EBF2: variants seen among roughly 807,000 people sequenced by gnomAD.
EBF2 encodes EBF transcription factor 2.
EBF2 carries 21 observed loss-of-function variants against 72.8 expected under a neutral mutation model. That is an observed-to-expected ratio of 0.29 (90% confidence interval 0.20 to 0.42). The LOEUF (loss-of-function observed/expected upper bound fraction) is 0.42. EBF2 is among the 10% of genes least tolerant of loss of function. The pLI is 1.00. For synonymous variants in EBF2, 299 were observed against 274.2 expected, an observed-to-expected ratio of 1.09 and a Z score of -0.89; for missense variants, 637 against 731.2, an observed-to-expected ratio of 0.87 and a Z score of 1.49.
chr8:25,855,195 G>T lies in EBF2; in HGVS notation c.1528+3124C>A, dbSNP rs375253798. On this transcript the variant is annotated intron_variant, in intron 14 of 15. Transcript: ENST00000520164. Reference sequence around the variant, plus strand: ...CTTTTCTTTGTAGGAGGATTGATTGGCTTGCATAGTCTCAGCTGGAACTCA... The same window carrying T: ...CTTTTCTTTGTAGGAGGATTGATTGTCTTGCATAGTCTCAGCTGGAACTCA... Among the ~76,000 whole-genome samples the T allele has an allele frequency of 3.9e-5, 6 of 152,144 alleles. No individual in the cohort carries two copies. In the East Asian group the frequency reaches 9.6e-4, roughly 24 times the overall value.
Position 25,854,598 on chromosome 8 carries a change from T to C in EBF2, c.1528+3721A>G, listed in dbSNP as rs143913430. On this transcript the variant is annotated intron_variant, in intron 14 of 15. Transcript: ENST00000520164. ...CACAGAGTGTGCCATTTTTCTTTCCTCCTTTTTACCTATACGTGCTTTTCA... is the reference window on the plus strand; with the variant it reads ...CACAGAGTGTGCCATTTTTCTTTCCCCCTTTTTACCTATACGTGCTTTTCA... Among the ~76,000 whole-genome samples the C allele has an allele frequency of 6.9e-3, 1,055 of 152,278 alleles. 6 individuals carry two copies. The highest frequency in any genetic ancestry group is 0.011 in the Non-Finnish European group (774 of 68,020).
At chr8:25,982,125 T>G (rs1362511909) in intron 6 of EBF2, among the ~76,000 whole-genome samples, 1 of 152,202 alleles carries the variant, frequency 6.6e-6, no homozygotes, top group Non-Finnish European at 1.5e-5. Context: ...GGGATGGGCA[T>G]TTTTAGTTCT....
At chr8:25,898,126 GGTA>G (rs1802888627) in intron 7 of EBF2, among the ~76,000 whole-genome samples, 2 of 152,112 alleles carry the variant, frequency 1.3e-5, no homozygotes, top group African/African-American at 4.8e-5. Context: ...ATTATTGCAC[GGTA>G]ATCTGTCATT....
chr8:26,038,539 G>A (rs930634195), intron 5 of EBF2, among the ~76,000 whole-genome samples: 3 of 152,228 alleles, frequency 2.0e-5, no homozygotes, highest in Non-Finnish European at 1.5e-5. Context: ...TCCTTTTCAG[G>A]AGGTAATCTC....
At chr8:25,848,879 TAAAAA>T in intron 15 of EBF2, among the ~76,000 whole-genome samples, 2 of 152,060 alleles carry the variant, frequency 1.3e-5, no homozygotes, top group Admixed American at 1.3e-4. Flanking sequence ...CCAGAGAACT[TAAAAA>T]GAGGAAACAT....
At position 26,005,652 on chromosome 8, in the gene EBF2, A is replaced by C. The variant is rs537579186; in HGVS notation, c.551+27433T>G. ...CAAGACCAGCCTGGGCAACATAGTG[A>C]GACTCTGTCTCTACAAAAAAAATTA... On this transcript the variant is annotated intron_variant, in intron 6 of 15. Transcript: ENST00000520164. Among the ~76,000 whole-genome samples the C allele has an allele frequency of 1.5e-4, 21 of 136,564 alleles. No individual in the cohort carries two copies. In the Admixed American group the frequency reaches 1.7e-3, roughly 11 times the overall value. The allele number at this position is 136,564 out of a possible 152,430, so 89.6% of individuals were successfully genotyped here.
chr8:25,918,122 A>G (rs114767739), intron 6 of EBF2, among the ~76,000 whole-genome samples: 1,931 of 152,300 alleles, frequency 0.013, 45 homozygotes, highest in African/African-American at 0.044. Flanking sequence ...CGCATCATGC[A>G]ATGTTGGAGA....
intron 10 of EBF2, among the ~76,000 whole-genome samples, chr8:25,878,939 G>A (rs916617947): frequency 3.3e-5 from 5 of 152,080 alleles, no homozygotes; most frequent in African/African-American, 1.2e-4. Context: ...GTTTACTAAT[G>A]TGCACTGTTT....
chr8:26,037,544 G>C (rs988913309), intron 5 of EBF2, among the ~76,000 whole-genome samples: 1 of 152,156 alleles, frequency 6.6e-6, no homozygotes, highest in Non-Finnish European at 1.5e-5. Context: ...CCCACTGCCC[G>C]GCTGGCCCAT....
chr8:25,965,246 T>C (rs902069135), intron 6 of EBF2, among the ~76,000 whole-genome samples: 4 of 152,206 alleles, frequency 2.6e-5, no homozygotes, highest in Non-Finnish European at 4.4e-5. Context: ...AAGAGCAATG[T>C]TTACTTTGCT....
intron 6 of EBF2, among the ~76,000 whole-genome samples, chr8:26,002,826 A>ACAGG (rs765733160): frequency 2.0e-5 from 3 of 148,408 alleles, no homozygotes; most frequent in Non-Finnish European, 3.0e-5. Flanking sequence ...AGCCAACGGG[A>ACAGG]CAGGCAGGCA....
At chr8:25,975,990 CGA>C (rs1804262329) in intron 6 of EBF2, among the ~76,000 whole-genome samples, 2 of 152,186 alleles carry the variant, frequency 1.3e-5, no homozygotes, top group African/African-American at 4.8e-5. Flanking sequence ...TGAACTTCTT[CGA>C]TAGGATTCAA....
chr8:25,924,187 TA>T (rs1170087657), intron 6 of EBF2, among the ~76,000 whole-genome samples: 3 of 152,194 alleles, frequency 2.0e-5, no homozygotes, highest in Admixed American at 6.5e-5. Flanking sequence ...ATCTTCCCTG[TA>T]AAATTGGGTA....
chr8:26,011,940 C>A (rs1056091802), intron 6 of EBF2, among the ~76,000 whole-genome samples: 2 of 152,064 alleles, frequency 1.3e-5, no homozygotes, highest in Admixed American at 6.6e-5. Flanking sequence ...AGTGGGTTAA[C>A]CTTTTCCCAC....
In EBF2 at chr8:26,044,392, G is replaced by T. The variant is rs543303770; in HGVS notation, c.131+337C>A. On this transcript the variant is annotated intron_variant, in intron 1 of 15. Coordinates refer to ENST00000520164, the MANE Select transcript of EBF2 (RefSeq NM_022659.4). The surrounding 1 kb of genome is among the most constrained non-coding windows in gnomAD (Gnocchi z 4.1). ...CAGCGCCGGTGTTCACGCTCCGTTCGGGGCCAGGCCGGCTCGGCTTGCAGG... is the reference window on the plus strand; with the variant it reads ...CAGCGCCGGTGTTCACGCTCCGTTCTGGGCCAGGCCGGCTCGGCTTGCAGG... Among the ~76,000 whole-genome samples, 4 of 152,268 alleles carry T rather than the reference G, an allele frequency of 2.6e-5. No homozygotes were observed. The highest frequency in any genetic ancestry group is 9.6e-5 in the African/African-American group (4 of 41,476).
At chr8:25,950,249 G>A (rs1168516552) in intron 6 of EBF2, among the ~76,000 whole-genome samples, 1 of 152,158 alleles carries the variant, frequency 6.6e-6, no homozygotes, top group East Asian at 1.9e-4. Flanking sequence ...TCTTTCAGCA[G>A]GCTCTCAAAT....
At position 25,858,375 on chromosome 8, in the gene EBF2, C is replaced by T. The variant is rs1293154516; in HGVS notation, c.1472G>A (p.Gly491Asp). The T allele has an allele frequency of 6.2e-7, 1 of 1,614,064 alleles. No homozygotes were observed. The highest frequency in any genetic ancestry group is 2.2e-5 in the East Asian group (1 of 44,884). ...TAGAAATCCTGGTGAACCTGGAACA[C>T]CCAAGTTGGCCATGGGGACATTGCT... ...GYSNVPMANL[G>D]VPGSPGFLNG... Residue 491 changes from glycine to aspartate, a missense_variant, in exon 14 of 16, where the codon GGT becomes GAT. Gly to Asp is a moderately conservative substitution (Grantham distance 94). Coordinates refer to ENST00000520164, the MANE Select transcript of EBF2 (RefSeq NM_022659.4).
At chr8:25,922,656 C>G (rs1380659944) in intron 6 of EBF2, among the ~76,000 whole-genome samples, 1 of 152,186 alleles carries the variant, frequency 6.6e-6, no homozygotes. Context: ...CATCTAGTCC[C>G]CAAAAGTTGA....
At chr8:26,016,799 A>T (rs1430202526) in intron 6 of EBF2, among the ~76,000 whole-genome samples, 2 of 152,212 alleles carry the variant, frequency 1.3e-5, no homozygotes. Flanking sequence ...CTCCTGAGTA[A>T]TAAAGTCAAG....
Sources: gnomAD v4.1 joint callset for allele counts (sites outside exome capture counted in the v4.1 genomes callset) on GRCh38, gnomAD v4.1.1 for gene constraint, Gnocchi (gnomAD v3.1) non-coding constraint, MANE v1.5 for transcripts, NCBI Gene and HGNC (gene_info 2026-07-23, HGNC 2026-07-21) for gene names.